IGF1R: variants seen among roughly 807,000 people sequenced by gnomAD.
The protein encoded by IGF1R is insulin like growth factor 1 receptor.
Under a neutral mutation model 144.6 loss-of-function variants are expected in IGF1R, and 44 were observed. The observed-to-expected ratio is 0.30, with a 90% CI of 0.24 to 0.39. The LOEUF (loss-of-function observed/expected upper bound fraction) is 0.39. Ranked by LOEUF, IGF1R falls within the 10% of genes least tolerant of loss-of-function variation. IGF1R has a pLI of 1.00. For missense variants in IGF1R, 1,355 were observed against 1,833.7 expected, an observed-to-expected ratio of 0.74 and a Z score of 4.77; for synonymous variants, 795 against 722.8, an observed-to-expected ratio of 1.10 and a Z score of -1.60.
intron 2 of IGF1R, among the ~76,000 whole-genome samples, chr15:98,729,184 G>A (rs2054438121): frequency 6.6e-6 from 1 of 152,222 alleles, no homozygotes; most frequent in African/African-American, 2.4e-5. Flanking sequence ...TACAACAGCT[G>A]TTCTTTGAAA....
At chr15:98,723,404 A>G (rs2054288079) in intron 2 of IGF1R, among the ~76,000 whole-genome samples, 1 of 152,242 alleles carries the variant, frequency 6.6e-6, no homozygotes, top group Non-Finnish European at 1.5e-5. Context: ...ATGAATGGGC[A>G]AATGAAGGAT....
chr15:98,764,155 G>T (rs963124770), intron 2 of IGF1R, among the ~76,000 whole-genome samples: 1 of 152,190 alleles, frequency 6.6e-6, no homozygotes, highest in African/African-American at 2.4e-5. Context: ...TTCACTACAG[G>T]ATTAGCTTTT....
At chr15:98,767,314 A>G (rs191809511) in intron 2 of IGF1R, among the ~76,000 whole-genome samples, 1 of 152,144 alleles carries the variant, frequency 6.6e-6, no homozygotes, top group Non-Finnish European at 1.5e-5. Context: ...TTTTCCAGGC[A>G]GGCTCTCATT....
intron 5 of IGF1R, among the ~76,000 whole-genome samples, chr15:98,902,297 G>A (rs143949818): frequency 6.6e-6 from 1 of 151,940 alleles, no homozygotes; most frequent in East Asian, 1.9e-4. Context: ...TTCTTCCCAT[G>A]TGCATATCAC....
intron 4 of IGF1R, 91 bp from the exon 5 acceptor site, chr15:98,899,386 T>G (rs2014361308): frequency 7.3e-7 from 1 of 1,365,558 alleles, no homozygotes; most frequent in Non-Finnish European, 1.0e-6. Context: ...GCACCTGCCG[T>G]TGAATTGTTC....
In IGF1R at chr15:98,948,698, C is replaced by T; in HGVS notation, c.3712C>T (p.Pro1238Ser). 6.2e-7 allele frequency: 1 copy of T among 1,614,136 alleles called. No individual in the cohort carries two copies. Among genetic ancestry groups the T allele is most frequent in the Non-Finnish European group, 8.5e-7 (1 of 1,180,014 alleles). The change falls in exon 20 of 21, where the codon CCT (proline) becomes TCT (serine). Residue 1238 changes from proline (P) to serine (S), a missense_variant. Physicochemically the swap from Pro to Ser is moderately conservative, Grantham distance 74. Coordinates refer to ENST00000650285, the MANE Select transcript of IGF1R (RefSeq NM_000875.5). The stretch of plus-strand genomic sequence containing the variant: ...CCTTCTGGACAAGCCAGACAACTGT[C>T]CTGACATGCTGTACGTACTTCCTGG... ...GGLLDKPDNCPDMLFELMRMC... is the reference protein window; with the variant it reads ...GGLLDKPDNCSDMLFELMRMC...
chr15:98,844,334 T>G (rs2011235294), intron 2 of IGF1R, among the ~76,000 whole-genome samples: 1 of 152,204 alleles, frequency 6.6e-6, no homozygotes, highest in East Asian at 1.9e-4. Context: ...TTGTCACAAT[T>G]TATACGTTGG....
rs977051991 is a variant in IGF1R, at chr15:98,891,145, A to C, written c.641-180A>C. Among the ~76,000 whole-genome samples, 2 of 152,186 alleles carry C rather than the reference A, an allele frequency of 1.3e-5. No individual in the cohort carries two copies. The highest frequency in any genetic ancestry group is 2.9e-5 in the Non-Finnish European group (2 of 68,012). On this transcript the variant is annotated intron_variant, in intron 2 of 20. Transcript: ENST00000650285. This position sits in a 1 kb window ranked among gnomAD's most constrained non-coding sequence, Gnocchi z 4.7. ...AAGATATCGACTCTCTGCAGGTCTAAGTGGATGAAAGGACAGTGGTGGGGG... is the reference window on the plus strand; with the variant it reads ...AAGATATCGACTCTCTGCAGGTCTACGTGGATGAAAGGACAGTGGTGGGGG...
At chr15:98,865,352 C>A (rs2012371827) in intron 2 of IGF1R, among the ~76,000 whole-genome samples, 1 of 152,204 alleles carries the variant, frequency 6.6e-6, no homozygotes, top group Admixed American at 6.5e-5. Context: ...CTAAAATATC[C>A]TGTAAGTCAT....
Position 98,937,177 on chromosome 15 carries a change from C to T in IGF1R, c.3297+1751C>T, listed in dbSNP as rs572571325. ...CTGGGATTACAGGTGTGAGCCGCTG[C>T]GCCTGGCCCTTGGTTCACTTTAATA... On this transcript the variant is annotated intron_variant, in intron 17 of 20. Coordinates refer to ENST00000650285, the MANE Select transcript of IGF1R (RefSeq NM_000875.5). 9.6e-4 allele frequency among the ~76,000 whole-genome samples: 146 copies of T among 152,284 alleles called. 1 individual carries two copies. The highest frequency in any genetic ancestry group is 3.4e-3 in the African/African-American group (141 of 41,554).
Position 98,935,453 on chromosome 15 carries a change from C to G in IGF1R, c.3297+27C>G, listed in dbSNP as rs1441782802. The G allele has an allele frequency of 2.4e-6, 3 of 1,269,332 alleles. No homozygotes were observed. The highest frequency in any genetic ancestry group is 2.0e-5 in the Admixed American group (1 of 50,702). 78.6% of individuals were successfully genotyped at this position (1,269,332 alleles called of 1,614,324 possible). On this transcript the variant is annotated intron_variant, in intron 17 of 20. Transcript: ENST00000650285. This position sits in a 1 kb window ranked among gnomAD's most constrained non-coding sequence, Gnocchi z 4.2. ...TCAGTTTTCATTTCCACCGGTATTG[C>G]ATGTTGCCTGGCCTGCTCTCTTTTC...
At chr15:98,680,094 GAA>G (rs1731349768) in intron 1 of IGF1R, among the ~76,000 whole-genome samples, 1 of 151,998 alleles carries the variant, frequency 6.6e-6, no homozygotes, top group African/African-American at 2.4e-5. Context: ...ATTGAAGAAA[GAA>G]ATTTTTAAAT....
At chr15:98,825,160 A>G (rs1334150333) in intron 2 of IGF1R, among the ~76,000 whole-genome samples, 1 of 152,092 alleles carries the variant, frequency 6.6e-6, no homozygotes, top group Non-Finnish European at 1.5e-5. Flanking sequence ...TAATTTTACA[A>G]ACTTGGCATA....
intron 2 of IGF1R, among the ~76,000 whole-genome samples, chr15:98,851,919 C>T (rs1448747262): frequency 6.6e-6 from 1 of 152,228 alleles, no homozygotes; most frequent in East Asian, 1.9e-4. Context: ...AAGGGACTAA[C>T]GGGGCATCTG....
chr15:98,706,424 A>G (rs1396091660), intron 1 of IGF1R, among the ~76,000 whole-genome samples: 1 of 152,272 alleles, frequency 6.6e-6, no homozygotes, highest in African/African-American at 2.4e-5. Flanking sequence ...AGGCCATTTT[A>G]TGAAAAGCCT....
chr15:98,911,697 G>A (rs1407913473), intron 7 of IGF1R, among the ~76,000 whole-genome samples: 1 of 152,182 alleles, frequency 6.6e-6, no homozygotes, highest in Non-Finnish European at 1.5e-5. Context: ...GATTAGAGGT[G>A]TTTGAATAAA....
At chr15:98,868,531 T>C (rs928789159) in intron 2 of IGF1R, among the ~76,000 whole-genome samples, 9 of 151,866 alleles carry the variant, frequency 5.9e-5, no homozygotes, top group Admixed American at 6.6e-5. Context: ...TCCTACGAGT[T>C]ACGAGAATTA....
intron 5 of IGF1R, among the ~76,000 whole-genome samples, chr15:98,907,378 A>G (rs1429847459): frequency 6.6e-6 from 1 of 152,236 alleles, no homozygotes; most frequent in African/African-American, 2.4e-5. Context: ...TCCAGGGCAG[A>G]CGAAGCCTTA....
intron 2 of IGF1R, among the ~76,000 whole-genome samples, chr15:98,718,791 G>T (rs1429477424): frequency 6.6e-6 from 1 of 152,208 alleles, no homozygotes; most frequent in South Asian, 2.1e-4. Context: ...AAGGAAAGAC[G>T]AAGGTTGATA....
Sources: allele counts gnomAD v4.1 joint callset (sites outside exome capture counted in the v4.1 genomes callset), GRCh38; gene constraint gnomAD v4.1.1; non-coding constraint Gnocchi (gnomAD v3.1); transcripts MANE v1.5; gene names NCBI Gene and HGNC (gene_info 2026-07-23, HGNC 2026-07-21).